Variants in CFAP74 observed in about 807,000 individuals in gnomAD.
CFAP74 encodes cilia and flagella associated protein 74.
CFAP74 carries 124 observed loss-of-function variants against 188.9 expected under a neutral mutation model. The observed-to-expected ratio is 0.66, with a 90% CI of 0.57 to 0.76. The LOEUF (loss-of-function observed/expected upper bound fraction) is 0.76, where lower values mean the gene tolerates loss of function less well. Ranked by LOEUF, CFAP74 falls within the 30% of genes least tolerant of loss-of-function variation. CFAP74 has a pLI of 0.00. For synonymous variants in CFAP74, 956 were observed against 916.7 expected, an observed-to-expected ratio of 1.04 and a Z score of -0.77; for missense variants, 2,198 against 2,165.2, an observed-to-expected ratio of 1.02 and a Z score of -0.30.
At chr1:1,930,832 T>C (rs1313383111) in intron 25 of CFAP74, among the ~76,000 whole-genome samples, 1 of 152,234 alleles carries the variant, frequency 6.6e-6, no homozygotes, top group African/African-American at 2.4e-5. Context: ...TCTTTTTCTC[T>C]AAATGGAAGC....
At chr1:1,924,633 C>G in intron 33 of CFAP74, 113 bp from the exon 34 acceptor site, 1 of 1,255,770 alleles carries the variant, frequency 8.0e-7, no homozygotes, top group Non-Finnish European at 1.1e-6. Context: ...AAGTGGGGAC[C>G]CGGGTGGCCT....
chr1:1,940,477 T>C, intron 22 of CFAP74, 74 bp from the exon 23 acceptor site: 1 of 1,035,696 alleles, frequency 9.7e-7, no homozygotes, highest in Non-Finnish European at 1.4e-6. Context: ...CCACTGTCAC[T>C]GGTGCTTCTA....
At chr1:1,980,033 G>C (rs571565450) in intron 6 of CFAP74, among the ~76,000 whole-genome samples, 148 of 152,046 alleles carry the variant, frequency 9.7e-4, no homozygotes, top group Admixed American at 1.7e-3. Flanking sequence ...CAAAGGCTTC[G>C]GACGGCGTCT....
chr1:1,946,111 A>C (rs1337921583), intron 20 of CFAP74, among the ~76,000 whole-genome samples: 1 of 152,172 alleles, frequency 6.6e-6, no homozygotes, highest in African/African-American at 2.4e-5. Context: ...ATGTGCTCAC[A>C]GCATGCCTGC....
intron 28 of CFAP74, 65 bp downstream of exon 28, chr1:1,927,542 G>A (rs1444806345): frequency 2.1e-6 from 3 of 1,454,986 alleles, no homozygotes; most frequent in Non-Finnish European, 2.8e-6. Context: ...CTCTACAGGG[G>A]CCACAGTGGG....
rs74328313 is a variant in CFAP74 at position 1,958,530 on chromosome 1, C to T, written c.1851+590G>A. Among the ~76,000 whole-genome samples, 824 of 152,234 alleles carry T rather than the reference C, an allele frequency of 5.4e-3. 8 individuals are homozygous for T. Among genetic ancestry groups the T allele is most frequent in the Non-Finnish European group, 5.3e-3 (360 of 68,026 alleles). ...CGGTGCGAGCTGACCAATTACTCGG[C>T]GGGGGCCGGGGGGACAATGATGTGT... is the stretch of plus-strand genomic sequence containing the variant. On this transcript the variant is annotated intron_variant, in intron 16 of 38. Transcript: ENST00000682832.
chr1:1,970,527 C>CCA, intron 10 of CFAP74, 132 bp downstream of exon 10: 1 of 1,037,932 alleles, frequency 9.6e-7, no homozygotes, highest in Non-Finnish European at 1.4e-6. Flanking sequence ...TTCCCGTGCC[C>CCA]CACAGCCGCC....
At chr1:1,969,858 A>G (rs1452088351) in intron 10 of CFAP74, among the ~76,000 whole-genome samples, 1 of 152,258 alleles carries the variant, frequency 6.6e-6, no homozygotes, top group Non-Finnish European at 1.5e-5. Context: ...GATCCTAAGC[A>G]GTGATTGGCC....
rs777827304 is a variant in CFAP74 at position 1,924,402 on chromosome 1, G to A, written c.4223C>T (p.Thr1408Met). Residue 1408 changes from threonine to methionine, a missense_variant, in exon 34 of 39, where the codon ACG becomes ATG. Transcript: ENST00000682832. ...CACCCCCCGCTCACCGACCACCTCC[G>A]TCCTCTGGGAGGGCGAGCTGAGGAA... The part of the protein sequence containing the change: ...PQFLSSPSQR[T>M]EVVGTQNLNG... 26 of 1,227,692 alleles carry A rather than the reference G, an allele frequency of 2.1e-5. No homozygotes were observed. Among genetic ancestry groups the A allele is most frequent in the Admixed American group, 6.8e-5 (2 of 29,352 alleles). 76.0% of individuals were successfully genotyped at this position (1,227,692 alleles called of 1,614,324 possible).
rs1470551487 is a variant in CFAP74, at chr1:1,938,919, TCA to T, written c.2945_2946del (p.Val982AspfsTer19). 2.6e-6 allele frequency: 4 copies of T among 1,536,036 alleles called. No homozygotes were observed. The highest frequency in any genetic ancestry group is 1.4e-5 in the African/African-American group (1 of 73,044). On this transcript the variant is annotated frameshift_variant, in exon 25 of 39. Transcript: ENST00000682832. LOFTEE classifies it high-confidence loss of function. ...ILPLETLQFC[V>X]IFQPTKAEEH... ...TCCTCGGCCTTGGTGGGCTGGAAGA[TCA>T]CACAGAACTGCAGCGTTTCCAGGGG...
At chr1:1,990,248 ATC>A (rs943565839) in intron 2 of CFAP74, among the ~76,000 whole-genome samples, 2 of 152,252 alleles carry the variant, frequency 1.3e-5, no homozygotes, top group African/African-American at 4.8e-5. Flanking sequence ...GAAGGTCACT[ATC>A]TCAGAAGATT....
intron 21 of CFAP74, among the ~76,000 whole-genome samples, chr1:1,943,234 C>T (rs952908901): frequency 1.3e-5 from 2 of 152,228 alleles, no homozygotes; most frequent in African/African-American, 4.8e-5. Flanking sequence ...CGCCTGGGCC[C>T]TTTCTGTCAA....
chr1:1,999,393 A>G (rs1364292990), intron 1 of CFAP74, among the ~76,000 whole-genome samples: 1 of 152,210 alleles, frequency 6.6e-6, no homozygotes, highest in Non-Finnish European at 1.5e-5. Flanking sequence ...ATTCAGCTAC[A>G]GTGTGTGTTA....
At chr1:1,959,231 A>C in intron 15 of CFAP74, 22 bp from the exon 16 acceptor site, 85 of 1,397,982 alleles carry the variant, frequency 6.1e-5, no homozygotes, top group Non-Finnish European at 8.3e-5. Context: ...AACAACCCCC[A>C]CCACAATACA....
intron 23 of CFAP74, 28 bp from the exon 24 acceptor site, chr1:1,939,795 C>T (rs753625322): frequency 1.2e-5 from 18 of 1,524,912 alleles, no homozygotes; most frequent in South Asian, 4.8e-5. Context: ...CAGGCGCCCT[C>T]GCAGCCACTC....
intron 1 of CFAP74, among the ~76,000 whole-genome samples, chr1:1,991,965 A>G (rs553161048): frequency 8.7e-4 from 130 of 150,000 alleles, no homozygotes; most frequent in South Asian, 2.1e-3. Flanking sequence ...GTGTGAACCC[A>G]GGAGGCGGAG....
At chr1:1,948,729 C>T (rs1653960915) in intron 18 of CFAP74, among the ~76,000 whole-genome samples, 1 of 151,850 alleles carries the variant, frequency 6.6e-6, no homozygotes, top group South Asian at 2.1e-4. Flanking sequence ...GCTGGGACTA[C>T]AGATGCATGT....
In CFAP74 at chr1:1,970,920, C is replaced by A; in HGVS notation, c.889-104G>T. On this transcript the variant is annotated intron_variant, in intron 9 of 38. Coordinates refer to ENST00000682832, the MANE Select transcript of CFAP74 (RefSeq NM_001304360.2). Reference sequence around the variant, plus strand: ...ACACAGGTTCATACATGCACACGTGCACACACGTGCACACACACATGCACA... The same window carrying A: ...ACACAGGTTCATACATGCACACGTGAACACACGTGCACACACACATGCACA... The A allele has an allele frequency of 3.1e-6, 4 of 1,296,764 alleles. No homozygotes were observed. In the East Asian group the frequency reaches 9.3e-5, roughly 30 times the overall value. The allele number at this position is 1,296,764 out of a possible 1,614,324, so 80.3% of individuals were successfully genotyped here.
At chr1:1,993,799 A>G (rs1391962169) in intron 1 of CFAP74, among the ~76,000 whole-genome samples, 105 of 151,470 alleles carry the variant, frequency 6.9e-4, no homozygotes, top group Admixed American at 1.5e-3. Context: ...TGGCTAACAC[A>G]ATGAAACCCC....
Sources: gnomAD v4.1 joint callset for allele counts (sites outside exome capture counted in the v4.1 genomes callset) on GRCh38, gnomAD v4.1.1 for gene constraint, MANE v1.5 for transcripts, NCBI Gene and HGNC (gene_info 2026-07-23, HGNC 2026-07-21) for gene names.